Variants in TCP1 observed in about 807,000 individuals in gnomAD.
The protein encoded by TCP1 is T-complex protein 1 subunit alpha.
A neutral mutation model predicts 54.7 loss-of-function variants in TCP1; 6 were observed. The ratio of observed to expected loss-of-function variants is 0.11; its 90% CI spans 0.06 to 0.22. The LOEUF is 0.22. Ranked by LOEUF, TCP1 falls within the 10% of genes least tolerant of loss-of-function variation. The pLI, the probability that TCP1 is intolerant of heterozygous loss-of-function variation, is 1.00. For missense variants in TCP1, 511 were observed against 678.2 expected (o/e 0.75, Z 2.74); for synonymous variants, 225 against 229.7 (o/e 0.98, Z 0.19).
At position 159,778,611 on chromosome 6, in the gene TCP1, CTG is replaced by C; in HGVS notation, c.*432_*433del. 3.2e-6 allele frequency: 5 copies of C among 1,586,046 alleles called. No homozygotes were observed. Among genetic ancestry groups the C allele is most frequent in the Non-Finnish European group, 3.4e-6 (4 of 1,159,450 alleles). On this transcript the variant is annotated 3_prime_UTR_variant, in exon 12 of 12. Transcript: ENST00000321394. ...AAAAAGACAAGTTTAAGATTTTAAA[CTG>C]TGTCCACAGAAGAATAAACAATCTA... is the stretch of plus-strand genomic sequence containing the variant.
At position 159,778,985 on chromosome 6, in the gene TCP1, C is replaced by A; in HGVS notation, c.*60G>T. On this transcript the variant is annotated 3_prime_UTR_variant, in exon 12 of 12. Coordinates refer to ENST00000321394, the MANE Select transcript of TCP1 (RefSeq NM_030752.3). ...TTGTACTTTACTTTAATGTGTAATA[C>A]TCAACTCAAGGTACAAGACAATTGC... The A allele has an allele frequency of 6.4e-7, 1 of 1,572,928 alleles. No homozygotes were observed. Among genetic ancestry groups the A allele is most frequent in the Non-Finnish European group, 8.7e-7 (1 of 1,151,924 alleles).
chr6:159,781,753 CAA>C (rs1033662128), intron 7 of TCP1, among the ~76,000 whole-genome samples: 9 of 152,138 alleles, frequency 5.9e-5, no homozygotes, highest in African/African-American at 1.9e-4. Flanking sequence ...GCCTGGGCAA[CAA>C]GAGCAAAACT....
chr6:159,789,338 G>A (rs1780791272), intron 1 of TCP1, 67 bp downstream of exon 1: 6 of 1,586,460 alleles, frequency 3.8e-6, no homozygotes, highest in Middle Eastern at 1.7e-4. Flanking sequence ...GGGCAGCCGG[G>A]GTCCGGTCGC....
chr6:159,779,532 C>T (rs1219881949), intron 11 of TCP1, 95 bp downstream of exon 11: 4 of 1,468,644 alleles, frequency 2.7e-6, no homozygotes, highest in Non-Finnish European at 2.7e-6. Context: ...TTTGACAAGT[C>T]TGTTACTTAT....
chr6:159,784,646 A>ACTTT lies in TCP1; in HGVS notation c.670+19_670+20insAAAG. The ACTTT allele has an allele frequency of 2.5e-6, 4 of 1,607,182 alleles. No individual in the cohort carries two copies. The highest frequency in any genetic ancestry group is 3.4e-6 in the Non-Finnish European group (4 of 1,176,688). ...TAATCTGTAGCAATCTCATTCTATA[A>ACTTT]ACCAAATCCCAAACCTTACCCTGGG... On this transcript the variant is annotated intron_variant, in intron 6 of 11. Transcript: ENST00000321394.
chr6:159,789,349 G>A (rs928262201), intron 1 of TCP1, 56 bp downstream of exon 1: 6 of 1,601,872 alleles, frequency 3.7e-6, no homozygotes, highest in Non-Finnish European at 4.3e-6. Flanking sequence ...GTCCGGTCGC[G>A]GTGGGACTCG....
In TCP1 at chr6:159,786,017, T is replaced by A. The variant is rs2273828; in HGVS notation, c.280-20A>T. On this transcript the variant is annotated intron_variant, in intron 3 of 11. Transcript: ENST00000321394. The stretch of plus-strand genomic sequence containing the variant: ...AATAACCTGTTGAGAAAACATTCAC[T>A]GGTCTGAGTGTGCCGGATATTCAAC... 6.9e-6 allele frequency: 11 copies of A among 1,594,486 alleles called. 1 individual carries two copies. In the South Asian group the frequency reaches 1.1e-4, roughly 16 times the overall value.
chr6:159,781,734 T>C (rs1403380769), intron 7 of TCP1, among the ~76,000 whole-genome samples: 2 of 152,176 alleles, frequency 1.3e-5, no homozygotes, highest in African/African-American at 4.8e-5. Context: ...ACCGTGCCAC[T>C]GCACTCCAGC....
chr6:159,789,385 C>G lies in TCP1; in HGVS notation c.64+20G>C. 1 of 1,613,374 alleles carries G rather than the reference C, an allele frequency of 6.2e-7. No individual in the cohort carries two copies. Among genetic ancestry groups the G allele is most frequent in the Non-Finnish European group, 8.5e-7 (1 of 1,179,748 alleles). On this transcript the variant is annotated intron_variant, in intron 1 of 11. Transcript: ENST00000321394. ...GCCCTCCCCGGCCGCAAACCCGACC[C>G]AGGCCCGGCCCGCCCTTACCGTTTT... is the stretch of plus-strand genomic sequence containing the variant.
chr6:159,778,704 G>A lies in TCP1; in HGVS notation c.*341C>T. On this transcript the variant is annotated 3_prime_UTR_variant, in exon 12 of 12. Transcript: ENST00000321394. Reference sequence around the variant, plus strand: ...TATAGCCTTGGGCCACCCTCTTGGAGCATCTGGCTGTCGAATTCTTGTGAC... The same window carrying A: ...TATAGCCTTGGGCCACCCTCTTGGAACATCTGGCTGTCGAATTCTTGTGAC... The A allele has an allele frequency of 6.2e-7, 1 of 1,614,254 alleles. No individual in the cohort carries two copies. The highest frequency in any genetic ancestry group is 8.5e-7 in the Non-Finnish European group (1 of 1,180,048).
Position 159,788,143 on chromosome 6 carries a change from A to G in TCP1, c.65T>C (p.Val22Ala), listed in dbSNP as rs1780742559. The G allele has an allele frequency of 1.9e-6, 3 of 1,613,834 alleles. No homozygotes were observed. Among genetic ancestry groups the G allele is most frequent in the Non-Finnish European group, 2.5e-6 (3 of 1,179,874 alleles). ...ATTGGCAATCGAAGCTGCAGCCATA[A>G]CTGTAGACAATCAATTAAAAATAAA... The part of the protein sequence containing the change: ...STGETIRSQN[V>A]MAAASIANIV... The change falls in exon 2 of 12, where the codon GTT (valine) becomes GCT (alanine). Residue 22 changes from valine (V) to alanine (A), a missense_variant and splice_region_variant. Physicochemically the swap from Val to Ala is moderately conservative, Grantham distance 64. Around this residue, in one of 5 missense-constraint regions of TCP1, gnomAD observed 35 missense variants for 32.7 expected, o/e 1.07. Transcript: ENST00000321394.
chr6:159,785,377 C>T lies in TCP1; in HGVS notation c.488+9G>A, dbSNP rs1412986519. On this transcript the variant is annotated intron_variant, in intron 5 of 11. Transcript: ENST00000321394. ...AAGTCTAAATTTTATCTGACAACCA[C>T]AAGGATACATTCCAATGATTTTGGA... 1.2e-6 allele frequency: 2 copies of T among 1,601,420 alleles called. No individual in the cohort carries two copies. The highest frequency in any genetic ancestry group is 2.7e-5 in the African/African-American group (2 of 74,652).
intron 9 of TCP1, 46 bp downstream of exon 9, chr6:159,780,387 CTACTTTTACT>C: frequency 6.2e-7 from 1 of 1,612,292 alleles, no homozygotes; most frequent in South Asian, 1.1e-5. Flanking sequence ...GGAAGAAAAC[CTACTTTTACT>C]TAACAAAATC....
Position 159,788,384 on chromosome 6 carries a change from T to C in TCP1, c.65-241A>G, listed in dbSNP as rs573058596. ...AGGAGGATCGCTTGATGCCAGGAGT[T>C]TGAGACCCCTTTGGGCAACATAGCG... On this transcript the variant is annotated intron_variant, in intron 1 of 11. Transcript: ENST00000321394. The C allele has an allele frequency of 6.8e-6, 3 of 440,546 alleles. No individual in the cohort carries two copies. The South Asian group carries it at 7.2e-5, about 11-fold the overall frequency. 27.3% of individuals were successfully genotyped at this position (440,546 alleles called of 1,614,324 possible).
chr6:159,778,934 A>C lies in TCP1; in HGVS notation c.*111T>G, dbSNP rs920304425. On this transcript the variant is annotated 3_prime_UTR_variant, in exon 12 of 12. Coordinates refer to ENST00000321394, the MANE Select transcript of TCP1 (RefSeq NM_030752.3). ...AAAGTACAGATGGAAACCATTTCCTACATCACAAAAACCCAAGTTTACAGC... is the reference window on the plus strand; with the variant it reads ...AAAGTACAGATGGAAACCATTTCCTCCATCACAAAAACCCAAGTTTACAGC... The C allele has an allele frequency of 3.2e-6, 5 of 1,564,354 alleles. No individual in the cohort carries two copies. The highest frequency in any genetic ancestry group is 3.5e-6 in the Non-Finnish European group (4 of 1,150,424).
intron 7 of TCP1, among the ~76,000 whole-genome samples, chr6:159,781,639 G>A (rs1050005380): frequency 6.6e-6 from 1 of 152,192 alleles, no homozygotes; most frequent in African/African-American, 2.4e-5. Context: ...GGGCCTGGTG[G>A]TGGGCGCCTG....
At chr6:159,789,312 T>A in intron 1 of TCP1, 93 bp downstream of exon 1, 1 of 1,448,850 alleles carries the variant, frequency 6.9e-7, no homozygotes, top group Non-Finnish European at 9.5e-7. Context: ...TCTGCGGAGG[T>A]AAAGGAGAGA....
At chr6:159,783,734 G>A (rs1417829635) in intron 7 of TCP1, among the ~76,000 whole-genome samples, 1 of 151,994 alleles carries the variant, frequency 6.6e-6, no homozygotes, top group Non-Finnish European at 1.5e-5. Flanking sequence ...TTAGATTCCT[G>A]TCTTTTACAT....
intron 7 of TCP1, among the ~76,000 whole-genome samples, chr6:159,783,361 C>T (rs371537871): frequency 1.0e-4 from 15 of 148,422 alleles, no homozygotes; most frequent in South Asian, 8.4e-4. Context: ...TCTTGTAGGT[C>T]TAACTACTGT....
Sources: allele counts gnomAD v4.1 joint callset (sites outside exome capture counted in the v4.1 genomes callset), GRCh38; gene constraint gnomAD v4.1.1; regional missense constraint gnomAD v4.1.1; transcripts MANE v1.5; gene names NCBI Gene and HGNC (gene_info 2026-07-23, HGNC 2026-07-21).